Variants in ENOX2 observed in about 807,000 individuals in gnomAD.
ENOX2 encodes the protein APK1 antigen.
Under a neutral mutation model 45.0 loss-of-function variants are expected in ENOX2, and 36 were observed. The ratio of observed to expected loss-of-function variants is 0.80; its 90% CI spans 0.61 to 1.06. The LOEUF is 1.06. Among genes scored for constraint, ENOX2 ranks in the 50% least tolerant of loss-of-function variants. The pLI, the probability that ENOX2 is intolerant of heterozygous loss-of-function variation, is 0.00. For missense variants in ENOX2, 423 were observed against 462.5 expected, an observed-to-expected ratio of 0.91 and a Z score of 0.78; for synonymous variants, 174 against 152.3, an observed-to-expected ratio of 1.14 and a Z score of -1.05.
intron 3 of ENOX2, among the ~76,000 whole-genome samples, chrX:130,717,798 A>G (rs1196932381): frequency 8.9e-6 from 1 of 111,847 alleles, no homozygotes; most frequent in East Asian, 2.8e-4. Context: ...GTTTAAGAAA[A>G]AGAATATCAC....
chrX:130,898,436 G>T (rs1294062887), intron 2 of ENOX2, among the ~76,000 whole-genome samples: 1 of 111,700 alleles, frequency 9.0e-6, no homozygotes, highest in Non-Finnish European at 1.9e-5. Context: ...TTTTTTGTGT[G>T]TTTACCATTA....
chrX:130,748,352 C>A (rs909722832), intron 3 of ENOX2, among the ~76,000 whole-genome samples: 1 of 112,090 alleles, frequency 8.9e-6, no homozygotes, highest in Non-Finnish European at 1.9e-5. Flanking sequence ...TGAAACACTT[C>A]CTGAAGTAAT....
At chrX:130,884,961 G>A (rs1244836696) in intron 2 of ENOX2, among the ~76,000 whole-genome samples, 15 of 111,728 alleles carry the variant, frequency 1.3e-4, no homozygotes, top group Admixed American at 1.2e-3. Context: ...TAGCTTTTTA[G>A]AAGAGAAAAT....
chrX:130,759,915 A>G (rs768752531), intron 3 of ENOX2, among the ~76,000 whole-genome samples: 1 of 111,265 alleles, frequency 9.0e-6, no homozygotes, highest in Non-Finnish European at 1.9e-5. Flanking sequence ...CATATTTACT[A>G]TATTGTGATT....
At chrX:130,821,361 A>G (rs1441991049) in intron 2 of ENOX2, among the ~76,000 whole-genome samples, 5 of 95,998 alleles carry the variant, frequency 5.2e-5, no homozygotes, top group Non-Finnish European at 1.0e-4. Flanking sequence ...CTATGCAGCC[A>G]TAAAAAATGA....
intron 10 of ENOX2, chrX:130,645,857 G>A (rs2036219691): frequency 2.9e-6 from 2 of 682,495 alleles, no homozygotes; most frequent in East Asian, 3.2e-5. Flanking sequence ...TGAGAGAGAG[G>A]AATCCCCTGC....
chrX:130,710,404 T>C (rs1428272618), intron 3 of ENOX2, among the ~76,000 whole-genome samples: 4 of 112,322 alleles, frequency 3.6e-5, no homozygotes, highest in African/African-American at 9.7e-5. Flanking sequence ...ATGTCCTCTA[T>C]TGCAGTGCCA....
At chrX:130,799,421 G>A (rs1002375351) in intron 2 of ENOX2, among the ~76,000 whole-genome samples, 5 of 111,477 alleles carry the variant, frequency 4.5e-5, no homozygotes, top group Non-Finnish European at 7.5e-5. Context: ...GCTTGCAGAC[G>A]GCCCATTGTG....
intron 2 of ENOX2, among the ~76,000 whole-genome samples, chrX:130,878,051 C>T (rs1490481267): frequency 8.9e-6 from 1 of 112,121 alleles, no homozygotes; most frequent in African/African-American, 3.2e-5. Flanking sequence ...AGTGTTCATG[C>T]CTTGGAACTG....
chrX:130,665,799 T>C (rs2036820072), intron 8 of ENOX2, 50 bp from the exon 9 acceptor site: 1 of 753,883 alleles, frequency 1.3e-6, no homozygotes, highest in South Asian at 2.3e-5. Flanking sequence ...CATCCAGGGA[T>C]GGAAAAAGAG....
chrX:130,646,190 T>C (rs183739619), intron 10 of ENOX2: 1 of 483,391 alleles, frequency 2.1e-6, no homozygotes, highest in Non-Finnish European at 3.8e-6. Flanking sequence ...AACCTCTCCA[T>C]GGCAGTCAAA....
At chrX:130,680,037 T>C (rs1375480962) in intron 5 of ENOX2, among the ~76,000 whole-genome samples, 1 of 112,247 alleles carries the variant, frequency 8.9e-6, no homozygotes, top group Non-Finnish European at 1.9e-5. Context: ...GTTGTGACAA[T>C]CCAGCTATGC....
rs2077155353 is a variant in ENOX2, at chrX:130,797,712, T to A, written c.-182-14022A>T. Reference sequence around the variant, plus strand: ...CTGAGCAGATGCAATGATGACCATATAGCAGCAGTGCAGAAAAGCAATTCT... The same window carrying A: ...CTGAGCAGATGCAATGATGACCATAAAGCAGCAGTGCAGAAAAGCAATTCT... On this transcript the variant is annotated intron_variant, in intron 2 of 14. Coordinates refer to ENST00000394363, the MANE Select transcript of ENOX2 (RefSeq NM_006375.4). Among the ~76,000 whole-genome samples the A allele has an allele frequency of 5.4e-5, 6 of 111,746 alleles. No individual in the cohort carries two copies. The South Asian group carries it at 1.9e-3, about 35-fold the overall frequency.
intron 3 of ENOX2, among the ~76,000 whole-genome samples, chrX:130,753,920 G>A (rs189192668): frequency 1.8e-5 from 2 of 111,215 alleles, no homozygotes; most frequent in African/African-American, 6.5e-5. Context: ...GGGAGCATGG[G>A]GAGAGGTTGG....
chrX:130,755,930 C>T (rs1379084436), intron 3 of ENOX2, among the ~76,000 whole-genome samples: 1 of 111,066 alleles, frequency 9.0e-6, no homozygotes, highest in Non-Finnish European at 1.9e-5. Flanking sequence ...TCTTCATGAG[C>T]ATGAGTTCAA....
At chrX:130,893,085 T>C (rs750777813) in intron 2 of ENOX2, among the ~76,000 whole-genome samples, 1 of 112,159 alleles carries the variant, frequency 8.9e-6, no homozygotes, top group Non-Finnish European at 1.9e-5. Context: ...AAAATAATTA[T>C]AATTATATAG....
At chrX:130,883,967 T>C (rs754759519) in intron 2 of ENOX2, among the ~76,000 whole-genome samples, 1 of 112,322 alleles carries the variant, frequency 8.9e-6, no homozygotes, top group South Asian at 3.7e-4. Context: ...ATATTCAGAG[T>C]GCCTATTCCT....
intron 3 of ENOX2, among the ~76,000 whole-genome samples, chrX:130,706,284 T>G (rs1331661883): frequency 1.8e-5 from 2 of 111,987 alleles, no homozygotes; most frequent in Non-Finnish European, 3.8e-5. Context: ...AATTAAACCA[T>G]GAGTGGAGTG....
intron 3 of ENOX2, among the ~76,000 whole-genome samples, chrX:130,753,415 T>C (rs932811553): frequency 2.7e-5 from 3 of 111,502 alleles, no homozygotes; most frequent in East Asian, 2.8e-4. Flanking sequence ...TATTAACCAG[T>C]TGATCTCTAT....
Sources: allele counts gnomAD v4.1 joint callset (sites outside exome capture counted in the v4.1 genomes callset), GRCh38; gene constraint gnomAD v4.1.1; transcripts MANE v1.5; gene names NCBI Gene and HGNC (gene_info 2026-07-23, HGNC 2026-07-21).